Variants in VPS41 observed in about 807,000 individuals in gnomAD.
VPS41 encodes vacuolar protein sorting-associated protein 41 homolog.
In VPS41, 85 loss-of-function variants were observed where a neutral mutation model predicts 130.9. The observed-to-expected ratio is 0.65, with a 90% CI of 0.55 to 0.78. The LOEUF (loss-of-function observed/expected upper bound fraction) is 0.78, where lower values mean the gene tolerates loss of function less well. Among genes scored for constraint, VPS41 ranks in the 30% least tolerant of loss-of-function variants. The pLI is 0.00. For missense variants in VPS41, 874 were observed against 1,018.7 expected, an observed-to-expected ratio of 0.86 and a Z score of 1.93; for synonymous variants, 335 against 332.9, an observed-to-expected ratio of 1.01 and a Z score of -0.07.
intron 4 of VPS41, among the ~76,000 whole-genome samples, chr7:38,837,847 C>T (rs377611046): frequency 6.6e-6 from 1 of 152,146 alleles, no homozygotes; most frequent in Admixed American, 6.5e-5. Context: ...CCTTTCTATG[C>T]TTTACTAGAT....
intron 25 of VPS41, chr7:38,741,200 G>T (rs559755207): frequency 6.5e-5 from 15 of 229,046 alleles, no homozygotes; most frequent in African/African-American, 3.6e-4. Flanking sequence ...GGCTTTACCT[G>T]CAAAAATTGT....
At chr7:38,837,317 G>A (rs1334452647) in intron 4 of VPS41, among the ~76,000 whole-genome samples, 3 of 152,176 alleles carry the variant, frequency 2.0e-5, no homozygotes, top group Non-Finnish European at 4.4e-5. Flanking sequence ...TGGCAGCTGA[G>A]ATTAACCACA....
intron 2 of VPS41, among the ~76,000 whole-genome samples, chr7:38,881,659 C>T (rs991965951): frequency 6.6e-6 from 1 of 152,116 alleles, no homozygotes; most frequent in African/African-American, 2.4e-5. Context: ...TGTGAGGACA[C>T]GGCATGGGAT....
chr7:38,895,532 G>A (rs1786965838), intron 2 of VPS41, among the ~76,000 whole-genome samples: 1 of 152,062 alleles, frequency 6.6e-6, no homozygotes, highest in Non-Finnish European at 1.5e-5. Flanking sequence ...AAATGTCTTG[G>A]ATTTTCCTGG....
intron 22 of VPS41, among the ~76,000 whole-genome samples, chr7:38,747,672 C>T (rs1047452749): frequency 1.3e-5 from 2 of 152,196 alleles, no homozygotes; most frequent in Non-Finnish European, 2.9e-5. Context: ...CAGCCACTTG[C>T]TCTATGTGTC....
At chr7:38,744,260 T>C (rs1048394590) in intron 23 of VPS41, among the ~76,000 whole-genome samples, 2 of 152,170 alleles carry the variant, frequency 1.3e-5, no homozygotes, top group Non-Finnish European at 2.9e-5. Flanking sequence ...ATAGTGCATG[T>C]AAGAAAGCCT....
At chr7:38,757,061 T>C in intron 18 of VPS41, 79 bp from the exon 19 acceptor site, 1 of 1,169,004 alleles carries the variant, frequency 8.6e-7, no homozygotes, top group Non-Finnish European at 1.2e-6. Flanking sequence ...TGGTTCACAA[T>C]ATTAAAAATG....
chr7:38,882,252 T>C (rs966112155), intron 2 of VPS41, among the ~76,000 whole-genome samples: 1 of 152,186 alleles, frequency 6.6e-6, no homozygotes, highest in African/African-American at 2.4e-5. Context: ...GACACAATGA[T>C]GGTGTCCTTC....
intron 4 of VPS41, among the ~76,000 whole-genome samples, chr7:38,843,465 G>A (rs1304646684): frequency 2.0e-5 from 3 of 151,326 alleles, no homozygotes; most frequent in Non-Finnish European, 4.4e-5. Flanking sequence ...GGTGGATAAC[G>A]AGGTCAGAAG....
At chr7:38,768,668 T>G (rs1165354723) in intron 14 of VPS41, among the ~76,000 whole-genome samples, 2 of 152,018 alleles carry the variant, frequency 1.3e-5, no homozygotes, top group Non-Finnish European at 2.9e-5. Context: ...TGGAAACAGA[T>G]CACACGTAAC....
In VPS41 at chr7:38,780,695, T is replaced by C. The variant is rs146241105; in HGVS notation, c.785-3919A>G. 4.5e-3 allele frequency among the ~76,000 whole-genome samples: 689 copies of C among 152,262 alleles called. 9 individuals carry two copies. Among genetic ancestry groups the C allele is most frequent in the African/African-American group, 0.016 (651 of 41,552 alleles). ...CAAATGACATATGTAATTTAAAATT[T>C]CCCAGTAGCCACGTGCTATAGCTTG... On this transcript the variant is annotated intron_variant, in intron 10 of 28. Transcript: ENST00000310301.
rs1043210280 is a variant in VPS41 at position 38,873,441 on chromosome 7, A to C, written c.61-4188T>G. 2.1e-5 allele frequency among the ~76,000 whole-genome samples: 3 copies of C among 142,456 alleles called. No homozygotes were observed. In the South Asian group the frequency reaches 7.2e-4, roughly 34 times the overall value. 93.5% of individuals were successfully genotyped at this position (142,456 alleles called of 152,430 possible). A position where few individuals can be genotyped will look rare whatever the true frequency, so the allele number is the denominator to read the frequency against. ...TTATAGAGTTTCTCTTTAACTAAAAAAATAATAATAATAGAAAAAAGGTTT... is the reference window on the plus strand; with the variant it reads ...TTATAGAGTTTCTCTTTAACTAAAACAATAATAATAATAGAAAAAAGGTTT... On this transcript the variant is annotated intron_variant, in intron 2 of 28. Coordinates refer to ENST00000310301, the MANE Select transcript of VPS41 (RefSeq NM_014396.4).
intron 25 of VPS41, among the ~76,000 whole-genome samples, chr7:38,734,644 C>A (rs1298238476): frequency 6.6e-6 from 1 of 152,138 alleles, no homozygotes; most frequent in Non-Finnish European, 1.5e-5. Context: ...AATAAAAGAA[C>A]TGTATATCAG....
intron 11 of VPS41, among the ~76,000 whole-genome samples, 181 bp downstream of exon 11, chr7:38,776,498 T>C (rs1322470638): frequency 6.6e-6 from 1 of 152,090 alleles, no homozygotes; most frequent in Admixed American, 6.6e-5. Flanking sequence ...AGGCAGGCAA[T>C]GAGTAGAGTT....
At chr7:38,799,891 AATGAT>A (rs1433114294) in intron 7 of VPS41, among the ~76,000 whole-genome samples, 1 of 152,156 alleles carries the variant, frequency 6.6e-6, no homozygotes, top group African/African-American at 2.4e-5. Flanking sequence ...GACGAATCAA[AATGAT>A]ATGATCAGGC....
intron 2 of VPS41, among the ~76,000 whole-genome samples, chr7:38,893,528 C>T (rs1786911235): frequency 6.6e-6 from 1 of 152,202 alleles, no homozygotes; most frequent in Admixed American, 6.5e-5. Flanking sequence ...TTATGCTCTT[C>T]AAAAATAAAA....
chr7:38,744,858 G>A (rs1326246993), intron 23 of VPS41, among the ~76,000 whole-genome samples: 2 of 152,188 alleles, frequency 1.3e-5, no homozygotes, highest in African/African-American at 4.8e-5. Context: ...GCCAATGAGA[G>A]TGAGTGCTGT....
chr7:38,816,007 T>G (rs189590750), intron 7 of VPS41, among the ~76,000 whole-genome samples: 1 of 151,984 alleles, frequency 6.6e-6, no homozygotes, highest in East Asian at 1.9e-4. Context: ...CCTAATACAA[T>G]CATACACAAA....
intron 2 of VPS41, among the ~76,000 whole-genome samples, chr7:38,874,693 C>T (rs1022905728): frequency 6.6e-5 from 10 of 152,162 alleles, no homozygotes; most frequent in Middle Eastern, 3.4e-3. Context: ...CAAAAAAAAC[C>T]TTTCATGCAG....
Sources: allele counts gnomAD v4.1 joint callset (sites outside exome capture counted in the v4.1 genomes callset), GRCh38; gene constraint gnomAD v4.1.1; transcripts MANE v1.5; gene names NCBI Gene and HGNC (gene_info 2026-07-23, HGNC 2026-07-21).